ADAMTS6: variants seen among roughly 807,000 people sequenced by gnomAD.
ADAMTS6 encodes A disintegrin and metalloproteinase with thrombospondin motifs 6.
Under a neutral mutation model 144.3 loss-of-function variants are expected in ADAMTS6, and 23 were observed. The observed-to-expected ratio is 0.16, with a 90% confidence interval of 0.11 to 0.23. The LOEUF (loss-of-function observed/expected upper bound fraction) is 0.23. ADAMTS6 is among the 10% of genes least tolerant of loss of function. The probability of loss-of-function intolerance (pLI) is 1.00; values close to 1 mark genes in which losing one functional copy is unlikely to be tolerated. For synonymous variants in ADAMTS6, 444 were observed against 457.5 expected, an observed-to-expected ratio of 0.97 and a Z score of 0.38; for missense variants, 999 against 1,379.6, an observed-to-expected ratio of 0.72 and a Z score of 4.37.
At chr5:65,332,866 T>C (rs571096568) in intron 8 of ADAMTS6, among the ~76,000 whole-genome samples, 1 of 152,290 alleles carries the variant, frequency 6.6e-6, no homozygotes, top group South Asian at 2.1e-4. Context: ...CATTATGCTT[T>C]TTAACTAGCA....
intron 7 of ADAMTS6, among the ~76,000 whole-genome samples, chr5:65,398,627 G>A (rs901648155): frequency 3.3e-5 from 5 of 152,022 alleles, no homozygotes; most frequent in African/African-American, 7.2e-5. Context: ...TCAGGAGGCT[G>A]AGGCAGGAGA....
intron 11 of ADAMTS6, among the ~76,000 whole-genome samples, chr5:65,289,606 T>C (rs1394708202): frequency 1.3e-5 from 2 of 152,178 alleles, no homozygotes; most frequent in Non-Finnish European, 2.9e-5. Flanking sequence ...TCATTTCAAA[T>C]CAATTAGTCT....
chr5:65,294,981 T>G (rs1742695058), intron 10 of ADAMTS6, among the ~76,000 whole-genome samples: 2 of 152,292 alleles, frequency 1.3e-5, no homozygotes, highest in South Asian at 2.1e-4. Flanking sequence ...TTTTGTAACT[T>G]TATTCTTTTG....
intron 15 of ADAMTS6, among the ~76,000 whole-genome samples, chr5:65,233,149 G>A (rs956715191): frequency 1.3e-5 from 2 of 150,822 alleles, no homozygotes; most frequent in Non-Finnish European, 2.9e-5. Context: ...AATTCAACAT[G>A]TTTTCATTAT....
Position 65,380,164 on chromosome 5 carries a change from A to T in ADAMTS6, c.1074-46079T>A, listed in dbSNP as rs540333126. ...GCCATTTCACCAGCATACCACTGAG[A>T]ATGCTGTATAGGTTCTGCATCTTGC... On this transcript the variant is annotated intron_variant, in intron 7 of 24. Coordinates refer to ENST00000381055, the MANE Select transcript of ADAMTS6 (RefSeq NM_197941.4). 3.3e-5 allele frequency among the ~76,000 whole-genome samples: 5 copies of T among 152,254 alleles called. No homozygotes were observed. The South Asian group carries it at 1.0e-3, about 32-fold the overall frequency.
At chr5:65,360,667 G>GT (rs1170850001) in intron 7 of ADAMTS6, among the ~76,000 whole-genome samples, 1 of 151,894 alleles carries the variant, frequency 6.6e-6, no homozygotes, top group Non-Finnish European at 1.5e-5. Context: ...AGGCAATATT[G>GT]TATTTGTAAT....
intron 7 of ADAMTS6, among the ~76,000 whole-genome samples, chr5:65,400,612 T>C (rs957985582): frequency 2.0e-5 from 3 of 152,214 alleles, no homozygotes; most frequent in Non-Finnish European, 4.4e-5. Flanking sequence ...TTTAGATAAA[T>C]TCTCGGTCAT....
intron 24 of ADAMTS6, among the ~76,000 whole-genome samples, chr5:65,158,156 C>G (rs1752538413): frequency 6.6e-6 from 1 of 152,182 alleles, no homozygotes; most frequent in Admixed American, 6.5e-5. Flanking sequence ...AAGAAAAAAA[C>G]TGGCCTTCCT....
chr5:65,466,678 G>C (rs1760030729), intron 3 of ADAMTS6, among the ~76,000 whole-genome samples: 1 of 152,178 alleles, frequency 6.6e-6, no homozygotes, highest in Non-Finnish European at 1.5e-5. Flanking sequence ...TGGGATCATT[G>C]AGCTTTTCTA....
chr5:65,322,230 T>G (rs1190797097), intron 9 of ADAMTS6, among the ~76,000 whole-genome samples: 1 of 152,210 alleles, frequency 6.6e-6, no homozygotes. Flanking sequence ...GGTCTATGTG[T>G]CTGTTCTTGT....
intron 7 of ADAMTS6, among the ~76,000 whole-genome samples, chr5:65,395,869 A>G (rs560383444): frequency 1.3e-5 from 2 of 152,358 alleles, no homozygotes; most frequent in South Asian, 4.1e-4. Flanking sequence ...ACTATTAACA[A>G]TAGACTCAAT....
intron 7 of ADAMTS6, among the ~76,000 whole-genome samples, chr5:65,337,836 A>C (rs1747449738): frequency 6.6e-6 from 1 of 152,196 alleles, no homozygotes; most frequent in Non-Finnish European, 1.5e-5. Context: ...GAAAAATTAC[A>C]AAGAAAAATA....
chr5:65,170,531 A>G, intron 24 of ADAMTS6, 86 bp downstream of exon 24: 2 of 1,461,912 alleles, frequency 1.4e-6, no homozygotes, highest in Non-Finnish European at 1.9e-6. Flanking sequence ...ACACTACAGT[A>G]GTGGGTTTAC....
At chr5:65,291,715 T>C (rs1014340910) in intron 10 of ADAMTS6, among the ~76,000 whole-genome samples, 1 of 152,140 alleles carries the variant, frequency 6.6e-6, no homozygotes, top group Non-Finnish European at 1.5e-5. Context: ...AAATGTCACG[T>C]TGGCCTTGAT....
chr5:65,447,137 T>G (rs372748963), intron 7 of ADAMTS6, among the ~76,000 whole-genome samples: 26 of 152,282 alleles, frequency 1.7e-4, no homozygotes, highest in East Asian at 7.7e-4. Context: ...TGCTAAACAT[T>G]GATGCAAATA....
At chr5:65,420,911 G>GA (rs1056481909) in intron 7 of ADAMTS6, among the ~76,000 whole-genome samples, 10 of 149,936 alleles carry the variant, frequency 6.7e-5, no homozygotes, top group African/African-American at 1.2e-4. Context: ...GCCATTTAAA[G>GA]AAAAAAAAAC....
intron 20 of ADAMTS6, among the ~76,000 whole-genome samples, chr5:65,206,842 A>T (rs775248386): frequency 0.021 from 1,032 of 48,608 alleles, 4 homozygotes; most frequent in Non-Finnish European, 0.026. Flanking sequence ...TCTCTCTCAC[A>T]CACACACACA....
chr5:65,305,489 A>G (rs1333613870), intron 9 of ADAMTS6, among the ~76,000 whole-genome samples: 1 of 152,176 alleles, frequency 6.6e-6, no homozygotes, highest in African/African-American at 2.4e-5. Flanking sequence ...TGAACTAAGT[A>G]TAGATAAATA....
At chr5:65,187,346 C>T (rs1754733314) in intron 22 of ADAMTS6, among the ~76,000 whole-genome samples, 1 of 152,058 alleles carries the variant, frequency 6.6e-6, no homozygotes, top group South Asian at 2.1e-4. Context: ...GTATTTTGTA[C>T]ACATCTATGC....
Sources: gnomAD v4.1 joint callset for allele counts (sites outside exome capture counted in the v4.1 genomes callset) on GRCh38, gnomAD v4.1.1 for gene constraint, MANE v1.5 for transcripts, NCBI Gene and HGNC (gene_info 2026-07-23, HGNC 2026-07-21) for gene names.